HS3ST5: variants seen among roughly 807,000 people sequenced by gnomAD.
HS3ST5 encodes the protein heparan sulfate glucosamine 3-O-sulfotransferase 5.
HS3ST5 carries 10 observed loss-of-function variants against 25.4 expected under a neutral mutation model. The ratio of observed to expected loss-of-function variants is 0.39; its 90% CI spans 0.24 to 0.67. The LOEUF (loss-of-function observed/expected upper bound fraction) is 0.67. Among genes scored for constraint, HS3ST5 ranks in the 30% least tolerant of loss-of-function variants. The pLI is 0.44. For missense variants in HS3ST5, 324 were observed against 420.7 expected (o/e 0.77, Z 2.01); for synonymous variants, 170 against 162.4 (o/e 1.05, Z -0.36).
intron 1 of HS3ST5, among the ~76,000 whole-genome samples, chr6:114,256,205 A>T (rs368090303): frequency 3.3e-5 from 5 of 152,138 alleles, no homozygotes; most frequent in African/African-American, 9.6e-5. Context: ...TGGCTAACAC[A>T]GTGAAACCTC....
At chr6:114,242,680 C>T (rs1396130298) in intron 1 of HS3ST5, among the ~76,000 whole-genome samples, 1 of 151,694 alleles carries the variant, frequency 6.6e-6, no homozygotes, top group East Asian at 1.9e-4. Flanking sequence ...GGTGAAACCC[C>T]ATCTCTACTA....
chr6:114,269,376 A>T lies in HS3ST5; in HGVS notation c.-338-40598T>A, dbSNP rs1229065113. Among the ~76,000 whole-genome samples the T allele has an allele frequency of 2.0e-5, 3 of 152,334 alleles. No individual in the cohort carries two copies. In the East Asian group the frequency reaches 5.8e-4, roughly 29 times the overall value. On this transcript the variant is annotated intron_variant, in intron 1 of 4. Coordinates refer to ENST00000312719, the MANE Select transcript of HS3ST5 (RefSeq NM_153612.4). ...AACCCCACCATATGTAAGACCATGC[A>T]TGAAACCAGGGATATTTAAAGGGAG... is the stretch of plus-strand genomic sequence containing the variant.
At chr6:114,199,849 G>A (rs1780930427) in intron 2 of HS3ST5, among the ~76,000 whole-genome samples, 1 of 152,156 alleles carries the variant, frequency 6.6e-6, no homozygotes, top group East Asian at 1.9e-4. Context: ...CTATCTTCCA[G>A]TTTTGTGGCA....
intron 2 of HS3ST5, 37 bp from the exon 3 acceptor site, chr6:114,168,499 T>G (rs1779320667): frequency 6.6e-6 from 1 of 152,308 alleles, no homozygotes; most frequent in Admixed American, 6.5e-5. Flanking sequence ...ATTTTCCAAT[T>G]AAGTCTTTTT....
chr6:114,338,600 T>C (rs77781561), intron 1 of HS3ST5, among the ~76,000 whole-genome samples: 6,265 of 152,116 alleles, frequency 0.041, 176 homozygotes, highest in Non-Finnish European at 0.056. Context: ...TATGTAATCT[T>C]TTACTCTACT....
At chr6:114,244,529 T>A (rs774857053) in intron 1 of HS3ST5, among the ~76,000 whole-genome samples, 22 of 152,200 alleles carry the variant, frequency 1.4e-4, no homozygotes, top group Non-Finnish European at 1.9e-4. Flanking sequence ...TTTTTAGACA[T>A]AAATGTTAGG....
At chr6:114,265,038 C>A (rs1773344845) in intron 1 of HS3ST5, among the ~76,000 whole-genome samples, 3 of 152,072 alleles carry the variant, frequency 2.0e-5, no homozygotes, top group Admixed American at 1.3e-4. Context: ...TGCCACCACA[C>A]CCAACTAATT....
chr6:114,132,793 C>G (rs943667840), intron 3 of HS3ST5, among the ~76,000 whole-genome samples: 2 of 152,184 alleles, frequency 1.3e-5, no homozygotes, highest in African/African-American at 4.8e-5. Flanking sequence ...AACGGCTGGA[C>G]CTTGAGGCTC....
chr6:114,202,932 T>G (rs1405990104), intron 2 of HS3ST5, among the ~76,000 whole-genome samples: 1 of 152,218 alleles, frequency 6.6e-6, no homozygotes, highest in Non-Finnish European at 1.5e-5. Context: ...AACATTATCT[T>G]CTAGGCTTTC....
chr6:114,159,252 C>A (rs758269127), intron 3 of HS3ST5, among the ~76,000 whole-genome samples: 1 of 152,138 alleles, frequency 6.6e-6, no homozygotes, highest in Non-Finnish European at 1.5e-5. Context: ...ATAGACCCAA[C>A]AGAGGTGCTT....
At chr6:114,246,631 G>A (rs1772392829) in intron 1 of HS3ST5, among the ~76,000 whole-genome samples, 1 of 152,172 alleles carries the variant, frequency 6.6e-6, no homozygotes, top group Non-Finnish European at 1.5e-5. Flanking sequence ...CCTATTAAGA[G>A]AAGAAAAGAA....
At chr6:114,219,928 A>G (rs1027724034) in intron 2 of HS3ST5, among the ~76,000 whole-genome samples, 7 of 152,158 alleles carry the variant, frequency 4.6e-5, no homozygotes, top group African/African-American at 1.7e-4. Flanking sequence ...TCACTACCAG[A>G]AAAACCATGA....
Position 114,325,097 on chromosome 6 carries a change from C to G in HS3ST5, c.-339+17098G>C, listed in dbSNP as rs1401801824. ...CATTGACTGCATCAGTTGAATCTCC[C>G]AGTTTCTGAATGAATGAATTGCTAG... On this transcript the variant is annotated intron_variant, in intron 1 of 4. Transcript: ENST00000312719. Among the ~76,000 whole-genome samples the G allele has an allele frequency of 2.6e-5, 4 of 152,118 alleles. No individual in the cohort carries two copies. The East Asian group carries it at 7.7e-4, about 29-fold the overall frequency.
chr6:114,071,356 T>G (rs1247231696), intron 3 of HS3ST5, among the ~76,000 whole-genome samples: 1 of 152,230 alleles, frequency 6.6e-6, no homozygotes, highest in Non-Finnish European at 1.5e-5. Flanking sequence ...TCCTATGTTT[T>G]AGATCTTAGG....
intron 3 of HS3ST5, among the ~76,000 whole-genome samples, chr6:114,155,799 A>G (rs906450406): frequency 1.3e-5 from 2 of 152,210 alleles, no homozygotes; most frequent in African/African-American, 2.4e-5. Flanking sequence ...GAAATGTGGT[A>G]ATAAACACAC....
In HS3ST5 at chr6:114,321,720, T is replaced by C. The variant is rs938851868; in HGVS notation, c.-339+20475A>G. Among the ~76,000 whole-genome samples, 10 of 152,130 alleles carry C rather than the reference T, an allele frequency of 6.6e-5. No individual in the cohort carries two copies. In the East Asian group the frequency reaches 1.9e-3, roughly 29 times the overall value. On this transcript the variant is annotated intron_variant, in intron 1 of 4. Coordinates refer to ENST00000312719, the MANE Select transcript of HS3ST5 (RefSeq NM_153612.4). Reference sequence around the variant, plus strand: ...GTATTAGATTTGGTACAATATACAATGTTCTAGCAAAATATGCATGTCAAT... The same window carrying C: ...GTATTAGATTTGGTACAATATACAACGTTCTAGCAAAATATGCATGTCAAT...
chr6:114,278,442 T>A (rs1425033174), intron 1 of HS3ST5, among the ~76,000 whole-genome samples: 3 of 151,912 alleles, frequency 2.0e-5, no homozygotes, highest in African/African-American at 7.2e-5. Context: ...AAATAAATAG[T>A]GAAGTCCAAC....
chr6:114,126,873 G>A (rs929598474), intron 3 of HS3ST5, among the ~76,000 whole-genome samples: 12 of 152,198 alleles, frequency 7.9e-5, no homozygotes, highest in Non-Finnish European at 1.6e-4. Context: ...CATGAGCAGT[G>A]AAACTGGATC....
intron 1 of HS3ST5, among the ~76,000 whole-genome samples, chr6:114,306,519 T>C (rs74762347): frequency 0.22 from 32,990 of 151,710 alleles, 3,682 homozygotes; most frequent in Admixed American, 0.27. Context: ...TAGTGCTCGA[T>C]ATTATATTTA....
Sources: gnomAD v4.1 joint callset for allele counts (sites outside exome capture counted in the v4.1 genomes callset) on GRCh38, gnomAD v4.1.1 for gene constraint, MANE v1.5 for transcripts, NCBI Gene and HGNC (gene_info 2026-07-23, HGNC 2026-07-21) for gene names.